The following MAST2 variants were observed in gnomAD, a reference collection of about 807,000 sequenced individuals.
MAST2 encodes microtubule-associated serine/threonine-protein kinase 2.
MAST2 carries 70 observed loss-of-function variants against 147.4 expected under a neutral mutation model. The observed-to-expected ratio is 0.47, with a 90% CI of 0.39 to 0.58. The LOEUF (loss-of-function observed/expected upper bound fraction) is 0.58, where lower values mean the gene tolerates loss of function less well. Among genes scored for constraint, MAST2 ranks in the 20% least tolerant of loss-of-function variants. The pLI is 0.00. For synonymous variants in MAST2, 869 were observed against 896.8 expected, an observed-to-expected ratio of 0.97 and a Z score of 0.55; for missense variants, 2,080 against 2,302.3, an observed-to-expected ratio of 0.90 and a Z score of 1.98.
At chr1:45,868,871 G>T (rs576659637) in intron 3 of MAST2, among the ~76,000 whole-genome samples, 1 of 152,196 alleles carries the variant, frequency 6.6e-6, no homozygotes, top group South Asian at 2.1e-4. Flanking sequence ...TGCTTCTGTT[G>T]TTCTACATTT....
intron 3 of MAST2, among the ~76,000 whole-genome samples, chr1:45,868,272 C>G (rs1046251135): frequency 1.3e-5 from 2 of 152,142 alleles, no homozygotes; most frequent in Admixed American, 6.5e-5. Flanking sequence ...TTTATACTTG[C>G]CCTGTTTCCC....
chr1:45,907,738 G>C (rs1651007661), intron 4 of MAST2, among the ~76,000 whole-genome samples: 1 of 152,032 alleles, frequency 6.6e-6, no homozygotes, highest in Non-Finnish European at 1.5e-5. Context: ...CCTTACCCCA[G>C]GCCTTGGCAG....
intron 5 of MAST2, among the ~76,000 whole-genome samples, chr1:45,971,581 G>T (rs948179925): frequency 1.3e-5 from 2 of 152,184 alleles, no homozygotes; most frequent in South Asian, 2.1e-4. Context: ...TTTCTGCAGT[G>T]TGCCTCCAAT....
At chr1:45,920,584 A>G (rs1401948600) in intron 4 of MAST2, among the ~76,000 whole-genome samples, 1 of 152,136 alleles carries the variant, frequency 6.6e-6, no homozygotes, top group Non-Finnish European at 1.5e-5. Flanking sequence ...TAATATTTTG[A>G]GCTCATGCTT....
intron 3 of MAST2, among the ~76,000 whole-genome samples, chr1:45,850,008 C>A (rs1645573771): frequency 6.6e-6 from 1 of 152,188 alleles, no homozygotes; most frequent in African/African-American, 2.4e-5. Flanking sequence ...CAGTTTTAGG[C>A]TCTTTGAGAA....
chr1:45,981,622 T>C (rs1644410521), intron 5 of MAST2, among the ~76,000 whole-genome samples: 2 of 152,182 alleles, frequency 1.3e-5, no homozygotes, highest in Admixed American at 6.5e-5. Flanking sequence ...CTTCTTTGTT[T>C]CAAAGTAAAC....
chr1:45,866,028 G>A (rs996924305), intron 3 of MAST2, among the ~76,000 whole-genome samples: 1 of 151,770 alleles, frequency 6.6e-6, no homozygotes, highest in Non-Finnish European at 1.5e-5. Context: ...CACTTTTTTT[G>A]TACAAAATAC....
At chr1:45,914,154 T>A (rs921157838) in intron 4 of MAST2, among the ~76,000 whole-genome samples, 1 of 152,228 alleles carries the variant, frequency 6.6e-6, no homozygotes, top group Non-Finnish European at 1.5e-5. Flanking sequence ...TTTCTTCCCT[T>A]GAAAGCAAAT....
intron 5 of MAST2, among the ~76,000 whole-genome samples, chr1:45,991,552 A>T (rs998368447): frequency 6.6e-6 from 1 of 152,128 alleles, no homozygotes; most frequent in African/African-American, 2.4e-5. Flanking sequence ...GATTTCTTTC[A>T]TCAGAGTTTC....
rs1282929759 is a variant in MAST2 at position 46,030,744 on chromosome 1, G to A, written c.2691G>A (p.Val897=). The A allele has an allele frequency of 1.3e-6, 2 of 1,586,856 alleles. No homozygotes were observed. Among genetic ancestry groups the A allele is most frequent in the Non-Finnish European group, 1.7e-6 (2 of 1,170,260 alleles). ...AGLKGRDRSW[V]IGSPEILRKR... is the part of the protein sequence containing the mutation. ...TCAAAGGCCGAGACCGGAGCTGGGT[G>A]ATTGGCTCCCCTGAGATGTGAGCAC... The change falls in exon 22 of 29, where the codon GTG becomes GTA. Residue 897 remains valine, a synonymous_variant. Transcript: ENST00000361297.
chr1:46,020,528 A>G (rs998444551), intron 11 of MAST2, among the ~76,000 whole-genome samples: 4 of 152,210 alleles, frequency 2.6e-5, no homozygotes, highest in Non-Finnish European at 5.9e-5. Flanking sequence ...TTTTTTCTTA[A>G]AAAATATTAT....
rs1157840369 is a variant in MAST2 at position 46,025,820 on chromosome 1, G to A, written c.1919+5G>A. ...CCGTGACCTCAAGCCTGACAAGTAT[G>A]TCCACAGTCTGTGTCCCTTGTCCAG... On this transcript the variant is annotated splice_donor_5th_base_variant and intron_variant, in intron 16 of 28. Coordinates refer to ENST00000361297, the MANE Select transcript of MAST2 (RefSeq NM_015112.3). The A allele has an allele frequency of 1.2e-6, 2 of 1,614,168 alleles. No individual in the cohort carries two copies. The highest frequency in any genetic ancestry group is 1.7e-5 in the Admixed American group (1 of 60,020).
At chr1:46,027,607 C>A in intron 16 of MAST2, 124 bp from the exon 17 acceptor site, 1 of 1,013,088 alleles carries the variant, frequency 9.9e-7, no homozygotes, top group Non-Finnish European at 1.4e-6. Context: ...CCAGCTGAAG[C>A]TACCCAGCTT....
chr1:46,013,680 CAA>C (rs71587098), intron 10 of MAST2, among the ~76,000 whole-genome samples: 152 of 132,274 alleles, frequency 1.1e-3, no homozygotes, highest in Middle Eastern at 4.0e-3. Context: ...AACTCTGTCT[CAA>C]AAAAAAAAAA....
chr1:45,900,155 G>C (rs897677780), intron 4 of MAST2, among the ~76,000 whole-genome samples: 1 of 122,680 alleles, frequency 8.2e-6, no homozygotes, highest in African/African-American at 3.5e-5. Context: ...GGGCGACAGA[G>C]CGAGACTCTC....
chr1:46,019,026 C>CT (rs767155107), intron 10 of MAST2, among the ~76,000 whole-genome samples: 37 of 152,202 alleles, frequency 2.4e-4, no homozygotes, highest in Non-Finnish European at 4.1e-4. Context: ...TGTCGTGCTT[C>CT]TTTCACCCCT....
intron 4 of MAST2, among the ~76,000 whole-genome samples, chr1:45,900,348 A>G (rs1018393052): frequency 6.6e-6 from 1 of 151,806 alleles, no homozygotes; most frequent in Non-Finnish European, 1.5e-5. Flanking sequence ...TTTTCTCTGC[A>G]TCCTCACCAA....
intron 1 of MAST2, among the ~76,000 whole-genome samples, chr1:45,808,661 C>T (rs1644208494): frequency 6.6e-6 from 1 of 152,150 alleles, no homozygotes; most frequent in African/African-American, 2.4e-5. Context: ...TTGGTTGTTG[C>T]AGTATCTTAA....
chr1:46,017,942 C>G (rs911224358), intron 10 of MAST2, among the ~76,000 whole-genome samples: 1 of 152,244 alleles, frequency 6.6e-6, no homozygotes, highest in Non-Finnish European at 1.5e-5. Flanking sequence ...ACTACTCAAT[C>G]TTCTGCCTTC....
Sources: gnomAD v4.1 joint callset for allele counts (sites outside exome capture counted in the v4.1 genomes callset) on GRCh38, gnomAD v4.1.1 for gene constraint, MANE v1.5 for transcripts, NCBI Gene and HGNC (gene_info 2026-07-23, HGNC 2026-07-21) for gene names.